Variants in CMSS1 observed in about 807,000 individuals in gnomAD.
The protein encoded by CMSS1 is cms1 ribosomal small subunit homolog, also known as protein CMSS1.
Under a neutral mutation model 43.5 loss-of-function variants are expected in CMSS1, and 33 were observed. The ratio of observed to expected loss-of-function variants is 0.76; its 90% CI spans 0.57 to 1.01. The LOEUF (loss-of-function observed/expected upper bound fraction) is 1.01, where lower values mean the gene tolerates loss of function less well. Among genes scored for constraint, CMSS1 ranks in the 50% least tolerant of loss-of-function variants. CMSS1 has a pLI of 0.00. For missense variants in CMSS1, 313 were observed against 326.4 expected, an observed-to-expected ratio of 0.96 and a Z score of 0.32; for synonymous variants, 115 against 117.2, an observed-to-expected ratio of 0.98 and a Z score of 0.12.
At chr3:99,923,501 T>C (rs189055350) in intron 1 of CMSS1, among the ~76,000 whole-genome samples, 38 of 152,282 alleles carry the variant, frequency 2.5e-4, no homozygotes, top group African/African-American at 9.1e-4. Flanking sequence ...TTGTTTTCCT[T>C]GCTCTTCTTT....
chr3:99,956,179 C>A (rs768663147), intron 1 of CMSS1, among the ~76,000 whole-genome samples: 1 of 152,148 alleles, frequency 6.6e-6, no homozygotes, highest in African/African-American at 2.4e-5. Flanking sequence ...GCCCTTTCTT[C>A]CACTTATTCC....
chr3:99,949,488 C>T (rs962851812), intron 1 of CMSS1, among the ~76,000 whole-genome samples: 5 of 152,166 alleles, frequency 3.3e-5, no homozygotes, highest in Admixed American at 6.5e-5. Flanking sequence ...CACGTATAGT[C>T]CCACCTTTCA....
intron 1 of CMSS1, among the ~76,000 whole-genome samples, chr3:100,022,668 C>T (rs2064847144): frequency 6.6e-6 from 1 of 152,224 alleles, no homozygotes; most frequent in Admixed American, 6.5e-5. Context: ...AGATTCCATT[C>T]TGCCTGACTC....
intron 1 of CMSS1, among the ~76,000 whole-genome samples, chr3:99,981,792 T>A (rs577089596): frequency 7.9e-5 from 12 of 152,304 alleles, no homozygotes; most frequent in African/African-American, 2.9e-4. Flanking sequence ...TAGGTGTTTA[T>A]TCACACATGC....
chr3:100,150,241 C>T (rs572632233), intron 2 of CMSS1, among the ~76,000 whole-genome samples: 1 of 152,312 alleles, frequency 6.6e-6, no homozygotes, highest in Non-Finnish European at 1.5e-5. Context: ...GCCAGGGTTT[C>T]TTTTGTGTCC....
intron 1 of CMSS1, among the ~76,000 whole-genome samples, chr3:99,938,696 T>A (rs1294852538): frequency 1.3e-5 from 2 of 152,154 alleles, no homozygotes; most frequent in Non-Finnish European, 2.9e-5. Flanking sequence ...TTAACTGACT[T>A]ATGGTAAATG....
intron 1 of CMSS1, chr3:99,849,915 C>T (rs1943578066): frequency 6.2e-7 from 1 of 1,611,758 alleles, no homozygotes; most frequent in African/African-American, 1.3e-5. Context: ...TATTTTTCAA[C>T]ATATTAACTC....
chr3:100,014,731 G>T (rs535051303), intron 1 of CMSS1, among the ~76,000 whole-genome samples: 1 of 148,540 alleles, frequency 6.7e-6, no homozygotes, highest in East Asian at 2.0e-4. Context: ...TTTGGATATT[G>T]GATATTAACC....
At chr3:100,040,644 A>G (rs1332750655) in intron 1 of CMSS1, 1 of 152,230 alleles carries the variant, frequency 6.6e-6, no homozygotes, top group Non-Finnish European at 1.5e-5. Context: ...TTGGTTGACA[A>G]TACACACATA....
chr3:99,903,194 G>A (rs1706493347), intron 1 of CMSS1, among the ~76,000 whole-genome samples: 1 of 151,966 alleles, frequency 6.6e-6, no homozygotes, highest in African/African-American at 2.4e-5. Context: ...ACTTAAAACA[G>A]TAGCTGGCAC....
intron 2 of CMSS1, among the ~76,000 whole-genome samples, chr3:100,151,445 T>C (rs1252566987): frequency 1.3e-5 from 2 of 152,148 alleles, no homozygotes; most frequent in Middle Eastern, 3.2e-3. Context: ...AGCTCACTGG[T>C]GTGGATGCCG....
intron 1 of CMSS1, among the ~76,000 whole-genome samples, chr3:100,127,503 G>T (rs114301190): frequency 0.016 from 2,478 of 152,268 alleles, 66 homozygotes; most frequent in African/African-American, 0.056. Flanking sequence ...AAAACAGCTA[G>T]CCAGGAAATC....
chr3:99,937,126 T>A (rs193221362), intron 1 of CMSS1, among the ~76,000 whole-genome samples: 1 of 151,862 alleles, frequency 6.6e-6, no homozygotes, highest in Admixed American at 6.6e-5. Flanking sequence ...TTAGTAGAGA[T>A]GGAGTTTCAC....
At chr3:99,934,990 C>T (rs1257844080) in intron 1 of CMSS1, among the ~76,000 whole-genome samples, 1 of 152,180 alleles carries the variant, frequency 6.6e-6, no homozygotes, top group Non-Finnish European at 1.5e-5. Flanking sequence ...GACTTCTGGT[C>T]TACTGAGGAG....
At chr3:99,964,089 G>A (rs1708573877) in intron 1 of CMSS1, among the ~76,000 whole-genome samples, 1 of 152,012 alleles carries the variant, frequency 6.6e-6, no homozygotes, top group South Asian at 2.1e-4. Flanking sequence ...AATAAAAACA[G>A]AGGGCATAGA....
chr3:99,875,207 A>T (rs180726087), intron 1 of CMSS1, among the ~76,000 whole-genome samples: 281 of 152,332 alleles, frequency 1.8e-3, no homozygotes, highest in Middle Eastern at 3.4e-3. Context: ...GAAGTAAAAT[A>T]TTATGGAGAT....
chr3:100,025,309 A>G (rs1285717225), intron 1 of CMSS1: 1 of 152,200 alleles, frequency 6.6e-6, no homozygotes, highest in African/African-American at 2.4e-5. Flanking sequence ...GGTTTGAGCC[A>G]GATGATTAGG....
chr3:99,985,607 G>A (rs1248201535), intron 1 of CMSS1, among the ~76,000 whole-genome samples: 1 of 132,982 alleles, frequency 7.5e-6, no homozygotes, highest in African/African-American at 2.7e-5. Context: ...TTTTTTTTTT[G>A]AGATAGAGTC....
intron 1 of CMSS1, among the ~76,000 whole-genome samples, chr3:99,837,860 T>C (rs1024391341): frequency 6.6e-6 from 1 of 152,234 alleles, no homozygotes; most frequent in African/African-American, 2.4e-5. Context: ...TTGGTGGTGC[T>C]TGTCTTTATA....
Sources: allele counts gnomAD v4.1 joint callset (sites outside exome capture counted in the v4.1 genomes callset), GRCh38; gene constraint gnomAD v4.1.1; transcripts MANE v1.5; gene names NCBI Gene and HGNC (gene_info 2026-07-23, HGNC 2026-07-21).